Variants in DCC observed in about 807,000 individuals in gnomAD.
The protein encoded by DCC is DCC netrin 1 receptor, also known as netrin receptor DCC.
Under a neutral mutation model 172.5 loss-of-function variants are expected in DCC, and 58 were observed. That is an observed-to-expected ratio of 0.34 (90% confidence interval 0.27 to 0.42). The LOEUF (loss-of-function observed/expected upper bound fraction) is 0.42. DCC is among the 10% of genes least tolerant of loss of function. The pLI, the probability that DCC is intolerant of heterozygous loss-of-function variation, is 1.00. For synonymous variants in DCC, 709 were observed against 644.5 expected, an observed-to-expected ratio of 1.10 and a Z score of -1.52; for missense variants, 1,740 against 1,791.0, an observed-to-expected ratio of 0.97 and a Z score of 0.51.
At chr18:53,181,308 C>A (rs968269862) in intron 9 of DCC, among the ~76,000 whole-genome samples, 2 of 151,938 alleles carry the variant, frequency 1.3e-5, no homozygotes, top group African/African-American at 4.8e-5. Flanking sequence ...GGTTGGTTAG[C>A]CTTGCTTTGT....
chr18:53,030,470 T>C (rs542687700), intron 5 of DCC, among the ~76,000 whole-genome samples: 1 of 152,062 alleles, frequency 6.6e-6, no homozygotes, highest in South Asian at 2.1e-4. Flanking sequence ...TATTCAGGAT[T>C]AGCATTGTAC....
intron 11 of DCC, among the ~76,000 whole-genome samples, chr18:53,208,883 A>G (rs1284538035): frequency 2.0e-5 from 3 of 152,002 alleles, no homozygotes; most frequent in Non-Finnish European, 2.9e-5. Flanking sequence ...GGTGCATGCC[A>G]CCACCCCTGG....
intron 2 of DCC, among the ~76,000 whole-genome samples, chr18:52,832,556 A>G (rs1385046053): frequency 6.6e-6 from 1 of 152,174 alleles, no homozygotes; most frequent in Admixed American, 6.5e-5. Context: ...ACTCAAAAAC[A>G]GTCTTAATAG....
At chr18:53,512,419 A>G (rs1173183430) in intron 27 of DCC, among the ~76,000 whole-genome samples, 2 of 151,744 alleles carry the variant, frequency 1.3e-5, no homozygotes, top group East Asian at 1.9e-4. Flanking sequence ...CTCCTCCAAA[A>G]GAACGCAGTT....
intron 3 of DCC, among the ~76,000 whole-genome samples, chr18:52,913,083 C>G (rs190311457): frequency 2.0e-5 from 3 of 152,184 alleles, no homozygotes; most frequent in Admixed American, 2.0e-4. Flanking sequence ...CTGTGCCCCT[C>G]TCCACACCAG....
chr18:52,905,821 C>A (rs947017150), intron 2 of DCC, among the ~76,000 whole-genome samples: 2 of 152,072 alleles, frequency 1.3e-5, no homozygotes, highest in African/African-American at 4.8e-5. Context: ...AATAAATAAG[C>A]TTCTAGAGAT....
At chr18:53,104,578 G>A (rs555007810) in intron 7 of DCC, among the ~76,000 whole-genome samples, 3 of 151,994 alleles carry the variant, frequency 2.0e-5, no homozygotes, top group African/African-American at 7.2e-5. Flanking sequence ...TGTGAAAATG[G>A]ACAAATACAC....
At chr18:52,554,581 G>A (rs966534820) in intron 1 of DCC, among the ~76,000 whole-genome samples, 3 of 152,122 alleles carry the variant, frequency 2.0e-5, no homozygotes, top group Admixed American at 6.6e-5. Context: ...GGGGATTTTA[G>A]TTGGTGCTAA....
At chr18:52,815,767 A>G (rs1457204612) in intron 2 of DCC, among the ~76,000 whole-genome samples, 1 of 152,234 alleles carries the variant, frequency 6.6e-6, no homozygotes, top group Non-Finnish European at 1.5e-5. Context: ...GATTTATTAG[A>G]TAACTATGAT....
At chr18:52,760,238 G>C (rs2037137426) in intron 2 of DCC, among the ~76,000 whole-genome samples, 1 of 152,198 alleles carries the variant, frequency 6.6e-6, no homozygotes, top group South Asian at 2.1e-4. Flanking sequence ...GAGAAGTGCA[G>C]AGTGAAGTGG....
chr18:53,052,035 T>G (rs965315354), intron 5 of DCC, among the ~76,000 whole-genome samples: 7 of 152,078 alleles, frequency 4.6e-5, no homozygotes, highest in Admixed American at 3.3e-4. Context: ...TTACTTTAAT[T>G]CCTTCACCCT....
intron 1 of DCC, among the ~76,000 whole-genome samples, chr18:52,719,655 G>C (rs1016085216): frequency 2.0e-5 from 3 of 152,104 alleles, no homozygotes; most frequent in African/African-American, 7.2e-5. Flanking sequence ...ATACAGTGCG[G>C]CATATCATTA....
In DCC at chr18:53,090,698, C is replaced by CAAAAA. The variant is rs59898050; in HGVS notation, c.1261+24564_1261+24568dup. On this transcript the variant is annotated intron_variant, in intron 7 of 28. Transcript: ENST00000442544. The stretch of plus-strand genomic sequence containing the variant: ...GACAGAGCGAAACTCCGTCCCCCAA[C>CAAAAA]AAAAAAAAAAAAAAAAAAAAAAAAA... Among the ~76,000 whole-genome samples, 304 of 39,332 alleles carry CAAAAA rather than the reference C, an allele frequency of 7.7e-3. 39 individuals carry two copies. The highest frequency in any genetic ancestry group is 0.011 in the Non-Finnish European group (196 of 18,204). The allele number at this position is 39,332 out of a possible 152,430, so 25.8% of individuals were successfully genotyped here.
At chr18:53,420,028 G>A (rs1047616629) in intron 21 of DCC, among the ~76,000 whole-genome samples, 2 of 151,772 alleles carry the variant, frequency 1.3e-5, no homozygotes, top group African/African-American at 4.8e-5. Flanking sequence ...TAATTTTTTT[G>A]TCTTTTTAGT....
At chr18:52,684,577 G>T (rs1198935184) in intron 1 of DCC, among the ~76,000 whole-genome samples, 3 of 152,012 alleles carry the variant, frequency 2.0e-5, no homozygotes, top group Non-Finnish European at 4.4e-5. Context: ...AGATTCAAAA[G>T]TCTCTGACAT....
chr18:53,068,435 C>T (rs1287119179), intron 7 of DCC, among the ~76,000 whole-genome samples: 2 of 131,236 alleles, frequency 1.5e-5, no homozygotes, highest in Non-Finnish European at 3.1e-5. Context: ...ACAAACTGTA[C>T]CATATCATTA....
intron 1 of DCC, among the ~76,000 whole-genome samples, chr18:52,473,307 C>G (rs949158018): frequency 1.3e-5 from 2 of 152,144 alleles, no homozygotes; most frequent in African/African-American, 4.8e-5. Context: ...TGTTGCTTCT[C>G]CAGTTAAAAT....
intron 1 of DCC, among the ~76,000 whole-genome samples, chr18:52,420,108 T>G (rs1987196227): frequency 6.6e-6 from 1 of 152,218 alleles, no homozygotes; most frequent in Non-Finnish European, 1.5e-5. Context: ...TTTTCGGTTT[T>G]GCATATCCTG....
At chr18:52,492,221 G>A (rs994189507) in intron 1 of DCC, among the ~76,000 whole-genome samples, 24 of 151,930 alleles carry the variant, frequency 1.6e-4, no homozygotes, top group Non-Finnish European at 3.1e-4. Context: ...GGGGTAGTGG[G>A]ACTGGTGAAC....
Sources: allele counts gnomAD v4.1 joint callset (sites outside exome capture counted in the v4.1 genomes callset), GRCh38; gene constraint gnomAD v4.1.1; transcripts MANE v1.5; gene names NCBI Gene and HGNC (gene_info 2026-07-23, HGNC 2026-07-21).